The following CNTN5 variants were observed in gnomAD, a reference collection of about 807,000 sequenced individuals.
The protein encoded by CNTN5 is contactin 5.
In CNTN5, 77 loss-of-function variants were observed where a neutral mutation model predicts 129.1. The observed-to-expected ratio is 0.60, with a 90% CI of 0.50 to 0.72. CNTN5 has a LOEUF of 0.72. CNTN5 is among the 30% of genes least tolerant of loss of function. CNTN5 has a pLI of 0.00. For synonymous variants in CNTN5, 509 were observed against 465.6 expected, an observed-to-expected ratio of 1.09 and a Z score of -1.20; for missense variants, 1,478 against 1,328.8, an observed-to-expected ratio of 1.11 and a Z score of -1.75.
intron 3 of CNTN5, among the ~76,000 whole-genome samples, chr11:99,643,913 A>C (rs1951858203): frequency 6.6e-6 from 1 of 152,190 alleles, no homozygotes; most frequent in Non-Finnish European, 1.5e-5. Context: ...GGCTTTAACA[A>C]ATTTCAGTAA....
chr11:99,022,593 A>G, intron 1 of CNTN5, among the ~76,000 whole-genome samples: 1 of 152,184 alleles, frequency 6.6e-6, no homozygotes, highest in East Asian at 1.9e-4. Flanking sequence ...CTAATCGAAA[A>G]GAGGTATGAG....
chr11:99,146,842 C>A (rs557866474), intron 1 of CNTN5, among the ~76,000 whole-genome samples: 9 of 151,994 alleles, frequency 5.9e-5, no homozygotes, highest in Non-Finnish European at 1.3e-4. Flanking sequence ...CCACCTCAGC[C>A]TCCCAAGCAG....
chr11:99,984,877 G>T (rs780455703), intron 8 of CNTN5, among the ~76,000 whole-genome samples: 4 of 152,150 alleles, frequency 2.6e-5, no homozygotes, highest in African/African-American at 9.7e-5. Flanking sequence ...TGCAACAGGG[G>T]CGCCCCGTTT....
At chr11:99,079,550 G>A (rs899408126) in intron 1 of CNTN5, among the ~76,000 whole-genome samples, 3 of 152,158 alleles carry the variant, frequency 2.0e-5, no homozygotes, top group Non-Finnish European at 4.4e-5. Context: ...TCTAGAATAT[G>A]TTCACTGGAA....
At chr11:99,495,227 G>A (rs1946180648) in intron 2 of CNTN5, among the ~76,000 whole-genome samples, 1 of 152,030 alleles carries the variant, frequency 6.6e-6, no homozygotes, top group Admixed American at 6.6e-5. Flanking sequence ...AATTAGCCAG[G>A]TATGGTGGTG....
At chr11:99,138,107 A>G (rs1447811565) in intron 1 of CNTN5, among the ~76,000 whole-genome samples, 1 of 152,164 alleles carries the variant, frequency 6.6e-6, no homozygotes, top group Non-Finnish European at 1.5e-5. Context: ...TTTTATTTTT[A>G]CATTTTGTAT....
intron 9 of CNTN5, among the ~76,000 whole-genome samples, chr11:100,043,815 T>G (rs1271633524): frequency 6.6e-6 from 1 of 151,846 alleles, no homozygotes; most frequent in African/African-American, 2.4e-5. Flanking sequence ...TCCTTCTGTA[T>G]TTGGATCATT....
At chr11:99,987,535 A>ATATATG (rs1005887638) in intron 8 of CNTN5, among the ~76,000 whole-genome samples, 4 of 150,164 alleles carry the variant, frequency 2.7e-5, no homozygotes, top group African/African-American at 9.8e-5. Flanking sequence ...ATATATATAT[A>ATATATG]TATATATACA....
At chr11:99,113,989 G>A (rs762601718) in intron 1 of CNTN5, among the ~76,000 whole-genome samples, 3 of 152,124 alleles carry the variant, frequency 2.0e-5, no homozygotes, top group Non-Finnish European at 4.4e-5. Flanking sequence ...CATAAGTTAC[G>A]CTTATCTATT....
chr11:99,526,377 G>A (rs376010312), intron 2 of CNTN5, among the ~76,000 whole-genome samples: 47 of 152,292 alleles, frequency 3.1e-4, no homozygotes, highest in African/African-American at 5.8e-4. Context: ...TCAATTCATT[G>A]GATGACTTCA....
chr11:99,209,870 A>G (rs1458345667), intron 1 of CNTN5, among the ~76,000 whole-genome samples: 2 of 152,160 alleles, frequency 1.3e-5, no homozygotes, highest in East Asian at 1.9e-4. Flanking sequence ...AGTACCATGC[A>G]TCTAAAAACC....
chr11:99,304,317 C>T, intron 1 of CNTN5, among the ~76,000 whole-genome samples: 1 of 152,072 alleles, frequency 6.6e-6, no homozygotes, highest in East Asian at 1.9e-4. Flanking sequence ...TTCTCATCTC[C>T]TATAGATCCT....
intron 2 of CNTN5, among the ~76,000 whole-genome samples, chr11:99,440,401 A>T (rs188293096): frequency 1.4e-5 from 2 of 139,878 alleles, no homozygotes; most frequent in African/African-American, 5.0e-5. Context: ...TTGACCTCCT[A>T]TAATTTAAAA....
chr11:99,790,650 T>A (rs1945708498), intron 3 of CNTN5, among the ~76,000 whole-genome samples: 1 of 152,154 alleles, frequency 6.6e-6, no homozygotes, highest in Non-Finnish European at 1.5e-5. Context: ...CATGTGTTTT[T>A]ATGGTAGAAT....
Position 99,023,476 on chromosome 11 carries a change from G to A in CNTN5, c.-210+2206G>A, listed in dbSNP as rs1479053495. Reference sequence around the variant, plus strand: ...AAGGGCAAAGGGCCCGCATAGGCTGGCCAAAGCATTTTGGAGTTTGTCTTA... The same window carrying A: ...AAGGGCAAAGGGCCCGCATAGGCTGACCAAAGCATTTTGGAGTTTGTCTTA... On this transcript the variant is annotated intron_variant, in intron 1 of 24. Transcript: ENST00000524871. Among the ~76,000 whole-genome samples the A allele has an allele frequency of 4.6e-5, 7 of 152,130 alleles. 1 individual carries two copies. In the South Asian group the frequency reaches 1.0e-3, roughly 22 times the overall value.
chr11:100,203,799 TACACAC>T (rs59141425), intron 15 of CNTN5, among the ~76,000 whole-genome samples: 17 of 139,100 alleles, frequency 1.2e-4, no homozygotes, highest in Non-Finnish European at 2.0e-4. Context: ...AATGTGCACG[TACACAC>T]ACACACACAC....
chr11:99,917,520 G>T (rs566113984), intron 7 of CNTN5, among the ~76,000 whole-genome samples: 77 of 152,144 alleles, frequency 5.1e-4, no homozygotes, highest in South Asian at 1.5e-3. Flanking sequence ...AGAGATTGCA[G>T]AAAAGGGGAA....
intron 9 of CNTN5, among the ~76,000 whole-genome samples, chr11:100,044,004 C>A (rs896627024): frequency 6.6e-6 from 1 of 151,676 alleles, no homozygotes; most frequent in African/African-American, 2.4e-5. Context: ...GTACATTGTG[C>A]CCGTTAAGTA....
At chr11:99,470,020 A>T in intron 2 of CNTN5, among the ~76,000 whole-genome samples, 1 of 152,256 alleles carries the variant, frequency 6.6e-6, no homozygotes, top group South Asian at 2.1e-4. Context: ...AAAGAGTTAG[A>T]GCAGCCTGTC....
Sources: gnomAD v4.1 joint callset for allele counts (sites outside exome capture counted in the v4.1 genomes callset) on GRCh38, gnomAD v4.1.1 for gene constraint, MANE v1.5 for transcripts, NCBI Gene and HGNC (gene_info 2026-07-23, HGNC 2026-07-21) for gene names.